The following SORCS1 variants were observed in gnomAD, a reference collection of about 807,000 sequenced individuals.
The protein encoded by SORCS1 is VPS10 domain-containing receptor SorCS1.
Under a neutral mutation model 146.1 loss-of-function variants are expected in SORCS1, and 60 were observed. The ratio of observed to expected loss-of-function variants is 0.41; its 90% CI spans 0.33 to 0.51. The LOEUF (loss-of-function observed/expected upper bound fraction) is 0.51. SORCS1 is among the 20% of genes least tolerant of loss of function. The pLI is 0.21. For synonymous variants in SORCS1, 637 were observed against 584.0 expected (o/e 1.09, Z -1.31); for missense variants, 1,352 against 1,487.6 (o/e 0.91, Z 1.50).
At chr10:106,688,751 C>T (rs1388350495) in intron 9 of SORCS1, among the ~76,000 whole-genome samples, 3 of 152,170 alleles carry the variant, frequency 2.0e-5, no homozygotes, top group African/African-American at 4.8e-5. Flanking sequence ...TCTTTGGTAT[C>T]GTTTATTCTA....
At chr10:106,892,024 G>C (rs1296423654) in intron 2 of SORCS1, among the ~76,000 whole-genome samples, 1 of 152,104 alleles carries the variant, frequency 6.6e-6, no homozygotes, top group Non-Finnish European at 1.5e-5. Context: ...AACATTCTAT[G>C]CCAGACTACA....
intron 1 of SORCS1, among the ~76,000 whole-genome samples, chr10:107,046,241 G>A (rs1030606604): frequency 6.6e-6 from 1 of 151,962 alleles, no homozygotes; most frequent in Non-Finnish European, 1.5e-5. Context: ...ACTGTGCTCG[G>A]CCACCTGGCT....
chr10:107,139,143 T>C lies in SORCS1; in HGVS notation c.558+24826A>G, dbSNP rs116944413. The stretch of plus-strand genomic sequence containing the variant: ...AGCATGAAAATAAGATTAAATCTGA[T>C]GAATTAAATTCCCATTTGCTTAAAT... On this transcript the variant is annotated intron_variant, in intron 1 of 25. Coordinates refer to ENST00000263054, the MANE Select transcript of SORCS1 (RefSeq NM_052918.5). 6.8e-4 allele frequency among the ~76,000 whole-genome samples: 104 copies of C among 152,364 alleles called. No individual in the cohort carries two copies. The East Asian group carries it at 0.019, about 28-fold the overall frequency.
chr10:107,002,283 C>A (rs138134821), intron 1 of SORCS1, among the ~76,000 whole-genome samples: 1 of 152,332 alleles, frequency 6.6e-6, no homozygotes, highest in African/African-American at 2.4e-5. Context: ...AAACTAATAT[C>A]TCTCTCAATA....
chr10:106,692,144 C>T (rs1223056941), intron 9 of SORCS1, among the ~76,000 whole-genome samples: 16 of 152,160 alleles, frequency 1.1e-4, no homozygotes, highest in Admixed American at 2.6e-4. Context: ...TGGGCTCAAG[C>T]GATCCTCCCA....
intron 22 of SORCS1, among the ~76,000 whole-genome samples, chr10:106,608,382 C>T (rs1045025404): frequency 1.3e-5 from 2 of 152,148 alleles, no homozygotes; most frequent in Non-Finnish European, 2.9e-5. Context: ...CATGAGTCAT[C>T]TTAAAGCTTA....
intron 1 of SORCS1, among the ~76,000 whole-genome samples, chr10:107,132,798 G>A (rs1463652015): frequency 2.0e-5 from 3 of 152,018 alleles, no homozygotes; most frequent in Admixed American, 6.6e-5. Context: ...CAACAGCCCC[G>A]TTGTTACTCT....
At chr10:106,726,883 GA>G (rs919626155) in intron 6 of SORCS1, among the ~76,000 whole-genome samples, 24 of 152,020 alleles carry the variant, frequency 1.6e-4, no homozygotes, top group African/African-American at 5.6e-4. Context: ...TGAGGAGATC[GA>G]GACCATCCTG....
In SORCS1 at chr10:107,160,699, AAACTT is replaced by A. The variant is rs543992141; in HGVS notation, c.558+3265_558+3269del. ...GGGCAGAGTGGTGAATTGAAATACTAAACTTAACTCCGGCATAAAAATATGAAAAA... is the reference window on the plus strand; with the variant it reads ...GGGCAGAGTGGTGAATTGAAATACTAAACTCCGGCATAAAAATATGAAAAA... On this transcript the variant is annotated intron_variant, in intron 1 of 25. Transcript: ENST00000263054. 6.7e-4 allele frequency among the ~76,000 whole-genome samples: 102 copies of A among 152,320 alleles called. 1 individual carries two copies. In the Middle Eastern group the frequency reaches 0.01, roughly 15 times the overall value.
In SORCS1 at chr10:107,047,273, G is replaced by A. The variant is rs374911699; in HGVS notation, c.559-90693C>T. On this transcript the variant is annotated intron_variant, in intron 1 of 25. Coordinates refer to ENST00000263054, the MANE Select transcript of SORCS1 (RefSeq NM_052918.5). The stretch of plus-strand genomic sequence containing the variant: ...CAAAGTGCTGGGATTACAGGCATGA[G>A]CCACCATGCCCAGCCAGCATTCTGT... 9.9e-5 allele frequency among the ~76,000 whole-genome samples: 15 copies of A among 152,278 alleles called. No individual in the cohort carries two copies. In the East Asian group the frequency reaches 1.9e-3, roughly 20 times the overall value.
chr10:107,065,120 T>C (rs1961616728), intron 1 of SORCS1, among the ~76,000 whole-genome samples: 1 of 152,086 alleles, frequency 6.6e-6, no homozygotes, highest in Non-Finnish European at 1.5e-5. Flanking sequence ...TCAAGCCAAA[T>C]GCATTAATTG....
intron 6 of SORCS1, among the ~76,000 whole-genome samples, chr10:106,724,288 C>T (rs1254516196): frequency 2.0e-5 from 3 of 152,074 alleles, no homozygotes; most frequent in Non-Finnish European, 4.4e-5. Flanking sequence ...GCGGGCGGAT[C>T]TCAAGGTCAG....
At chr10:106,956,451 C>T in intron 2 of SORCS1, 62 bp downstream of exon 2, 1 of 1,477,646 alleles carries the variant, frequency 6.8e-7, no homozygotes, top group East Asian at 2.3e-5. Context: ...GTGGGTGGGA[C>T]AGCAGTAGCA....
chr10:106,589,868 C>G (rs1450643483), intron 24 of SORCS1, among the ~76,000 whole-genome samples: 1 of 142,280 alleles, frequency 7.0e-6, no homozygotes, highest in East Asian at 2.4e-4. Flanking sequence ...AGGAAAAAAC[C>G]CCAAAATCCT....
At chr10:106,916,548 G>GATGATAT (rs1303473179) in intron 2 of SORCS1, among the ~76,000 whole-genome samples, 1 of 140,664 alleles carries the variant, frequency 7.1e-6, no homozygotes, top group Non-Finnish European at 1.5e-5. Context: ...CTATGCACAC[G>GATGATAT]ATGATATATA....
At chr10:106,632,050 G>T (rs374815347) in intron 18 of SORCS1, among the ~76,000 whole-genome samples, 74 of 152,200 alleles carry the variant, frequency 4.9e-4, no homozygotes, top group African/African-American at 1.6e-3. Flanking sequence ...GGTTATTAGG[G>T]TGTTAGGTCA....
At chr10:107,081,500 G>A (rs1019392658) in intron 1 of SORCS1, among the ~76,000 whole-genome samples, 8 of 152,202 alleles carry the variant, frequency 5.3e-5, no homozygotes, top group African/African-American at 1.9e-4. Flanking sequence ...CCTCCTGTGG[G>A]TGAGAGACTT....
At chr10:107,157,265 C>A (rs1482591185) in intron 1 of SORCS1, among the ~76,000 whole-genome samples, 1 of 151,546 alleles carries the variant, frequency 6.6e-6, no homozygotes, top group Admixed American at 6.6e-5. Context: ...TCAGACAAAC[C>A]ACAAGGCTAG....
intron 1 of SORCS1, among the ~76,000 whole-genome samples, chr10:107,006,052 C>T (rs1038555077): frequency 5.9e-5 from 9 of 152,290 alleles, no homozygotes; most frequent in African/African-American, 1.9e-4. Flanking sequence ...CAATTTAATA[C>T]ATATCACAGC....
Sources: gnomAD v4.1 joint callset for allele counts (sites outside exome capture counted in the v4.1 genomes callset) on GRCh38, gnomAD v4.1.1 for gene constraint, MANE v1.5 for transcripts, NCBI Gene and HGNC (gene_info 2026-07-23, HGNC 2026-07-21) for gene names.